The following STPG2 variants were observed in gnomAD, a reference collection of about 807,000 sequenced individuals.
STPG2 encodes sperm tail PG-rich repeat containing 2, also known as sperm-tail PG-rich repeat-containing protein 2.
In STPG2, 56 loss-of-function variants were observed where a neutral mutation model predicts 54.2. The ratio of observed to expected loss-of-function variants is 1.03; its 90% CI spans 0.83 to 1.29. The LOEUF (loss-of-function observed/expected upper bound fraction) is 1.29, where lower values mean the gene tolerates loss of function less well. STPG2 is among the 50% of genes most tolerant of loss of function. The pLI is 0.00. For missense variants in STPG2, 596 were observed against 544.9 expected (o/e 1.09, Z -0.93); for synonymous variants, 200 against 181.8 (o/e 1.10, Z -0.81).
chr4:97,639,419 C>T (rs147576484), intron 10 of STPG2, among the ~76,000 whole-genome samples: 16,377 of 151,470 alleles, frequency 0.11, 2,624 homozygotes, highest in African/African-American at 0.35. Flanking sequence ...GGGTGCAGCA[C>T]ACCAGCATGG....
intron 9 of STPG2, among the ~76,000 whole-genome samples, chr4:97,745,839 T>A (rs1416355628): frequency 1.3e-5 from 2 of 151,230 alleles, no homozygotes; most frequent in African/African-American, 2.4e-5. Context: ...GCTAGAAGAC[T>A]AACAAAATAA....
intron 6 of STPG2, among the ~76,000 whole-genome samples, chr4:97,974,710 C>A (rs191694621): frequency 6.6e-6 from 1 of 152,240 alleles, no homozygotes; most frequent in Admixed American, 6.5e-5. Flanking sequence ...TGAGATGTGC[C>A]TTTTATCTTC....
chr4:98,007,516 G>A (rs186283669), intron 5 of STPG2, among the ~76,000 whole-genome samples: 2 of 152,220 alleles, frequency 1.3e-5, no homozygotes, highest in African/African-American at 4.8e-5. Flanking sequence ...CTCTAGAGGA[G>A]AAGTATAAGC....
chr4:98,142,258 A>G (rs894349517), intron 1 of STPG2, among the ~76,000 whole-genome samples: 1 of 152,220 alleles, frequency 6.6e-6, no homozygotes, highest in Non-Finnish European at 1.5e-5. Context: ...ATGTAACAGA[A>G]TAATGGATCC....
chr4:97,803,025 T>C (rs558783904), intron 9 of STPG2, among the ~76,000 whole-genome samples: 1 of 152,294 alleles, frequency 6.6e-6, no homozygotes, highest in Non-Finnish European at 1.5e-5. Flanking sequence ...CCATAAAATA[T>C]AATGCTCTTG....
intron 7 of STPG2, among the ~76,000 whole-genome samples, chr4:97,965,917 A>G (rs1813971): frequency 0.39 from 60,011 of 152,056 alleles, 12,007 homozygotes; most frequent in Middle Eastern, 0.46. Context: ...GGAGAAACCA[A>G]AGCAGAAAAG....
At chr4:97,467,464 G>A (rs2865795) in intron 4 of STPG2, among the ~76,000 whole-genome samples, 292 of 151,662 alleles carry the variant, frequency 1.9e-3, no homozygotes, top group Non-Finnish European at 3.3e-3. Flanking sequence ...AGGATGATTC[G>A]CCAAATGAAG....
At position 97,539,097 on chromosome 4, in the gene STPG2, T is replaced by A. The variant is rs1395270031; in HGVS notation, c.462+173602A>T. 2.0e-5 allele frequency among the ~76,000 whole-genome samples: 3 copies of A among 152,200 alleles called. No individual in the cohort carries two copies. In the East Asian group the frequency reaches 5.8e-4, roughly 29 times the overall value. On this transcript the variant is annotated intron_variant, in intron 4 of 4. Transcript: ENST00000522676. ...CAGCCACTGCAAAAACATACCAAATTGTAAAGACCATCAATGCTAGGAAGA... is the reference window on the plus strand; with the variant it reads ...CAGCCACTGCAAAAACATACCAAATAGTAAAGACCATCAATGCTAGGAAGA...
chr4:97,521,281 A>G (rs748964044), intron 4 of STPG2, among the ~76,000 whole-genome samples: 1 of 152,070 alleles, frequency 6.6e-6, no homozygotes, highest in Non-Finnish European at 1.5e-5. Context: ...TCAACAGCAG[A>G]AGATCAAAGA....
At chr4:97,505,722 A>G (rs889697579) in intron 4 of STPG2, among the ~76,000 whole-genome samples, 6 of 151,898 alleles carry the variant, frequency 4.0e-5, no homozygotes, top group Non-Finnish European at 8.8e-5. Flanking sequence ...CTCAAAATGT[A>G]AAATTAACCT....
chr4:97,911,618 C>CA (rs1731680161), intron 8 of STPG2, among the ~76,000 whole-genome samples: 1 of 152,202 alleles, frequency 6.6e-6, no homozygotes, highest in Non-Finnish European at 1.5e-5. Flanking sequence ...CATCCCTCCT[C>CA]ACCAGGCAAG....
chr4:97,556,020 G>T (rs1308346478), downstream of STPG2, among the ~76,000 whole-genome samples: 1 of 152,056 alleles, frequency 6.6e-6, no homozygotes, highest in Non-Finnish European at 1.5e-5. Flanking sequence ...AGGCATAAAA[G>T]AATCTTATCC....
At chr4:97,923,187 G>A (rs979753650) in intron 8 of STPG2, among the ~76,000 whole-genome samples, 1 of 152,258 alleles carries the variant, frequency 6.6e-6, no homozygotes, top group Non-Finnish European at 1.5e-5. Flanking sequence ...CCGCTGCACT[G>A]TGGGAGCCCC....
At chr4:97,471,644 A>G (rs1264884926) in intron 4 of STPG2, among the ~76,000 whole-genome samples, 2 of 152,126 alleles carry the variant, frequency 1.3e-5, no homozygotes, top group Non-Finnish European at 2.9e-5. Flanking sequence ...TCAGCACCCA[A>G]CTTTCTCCCA....
chr4:97,981,862 A>C, intron 5 of STPG2, among the ~76,000 whole-genome samples: 1 of 139,404 alleles, frequency 7.2e-6, no homozygotes, highest in East Asian at 2.0e-4. Flanking sequence ...TATAACTATA[A>C]ATTCATGAGA....
chr4:97,857,359 G>T (rs921624769), intron 8 of STPG2, among the ~76,000 whole-genome samples: 6 of 152,056 alleles, frequency 3.9e-5, no homozygotes, highest in Non-Finnish European at 7.4e-5. Flanking sequence ...TCTATTCAGG[G>T]ATTCCATTTC....
At chr4:97,535,513 C>T (rs1227478818) in intron 4 of STPG2, among the ~76,000 whole-genome samples, 4 of 152,064 alleles carry the variant, frequency 2.6e-5, no homozygotes, top group African/African-American at 9.7e-5. Flanking sequence ...AGGGTATTAT[C>T]CCCCTATATA....
At chr4:97,784,969 T>C (rs920113331) in intron 9 of STPG2, among the ~76,000 whole-genome samples, 2 of 152,034 alleles carry the variant, frequency 1.3e-5, no homozygotes, top group African/African-American at 4.8e-5. Flanking sequence ...TAAAAGTGTT[T>C]TTAAAGAATT....
intron 4 of STPG2, among the ~76,000 whole-genome samples, chr4:97,509,250 A>T (rs1483411039): frequency 1.3e-5 from 2 of 151,946 alleles, no homozygotes; most frequent in Admixed American, 1.3e-4. Context: ...TTTCCCCAGA[A>T]TTCTTAAGAG....
Sources: allele counts gnomAD v4.1 joint callset (sites outside exome capture counted in the v4.1 genomes callset), GRCh38; gene constraint gnomAD v4.1.1; transcripts MANE v1.5; gene names NCBI Gene and HGNC (gene_info 2026-07-23, HGNC 2026-07-21).